Variants in CASS4 observed in about 807,000 individuals in gnomAD.
CASS4 encodes the protein cas scaffolding protein family member 4.
CASS4 carries 22 observed loss-of-function variants against 54.2 expected under a neutral mutation model. That is an observed-to-expected ratio of 0.41 (90% confidence interval 0.29 to 0.58). The LOEUF (loss-of-function observed/expected upper bound fraction) is 0.58. CASS4 is among the 20% of genes least tolerant of loss of function. CASS4 has a pLI of 0.36. For missense variants in CASS4, 854 were observed against 986.7 expected (o/e 0.87, Z 1.80); for synonymous variants, 409 against 391.5 (o/e 1.04, Z -0.53).
chr20:56,436,411 T>C (rs1040661197), intron 1 of CASS4, among the ~76,000 whole-genome samples: 1 of 149,590 alleles, frequency 6.7e-6, no homozygotes, highest in Admixed American at 6.7e-5. Context: ...TGGGTACATA[T>C]ATATATCAAC....
At chr20:56,427,003 G>A (rs1314620308) in intron 1 of CASS4, among the ~76,000 whole-genome samples, 1 of 152,044 alleles carries the variant, frequency 6.6e-6, no homozygotes, top group Admixed American at 6.6e-5. Flanking sequence ...CATCTTTGCT[G>A]TAACTCCCTA....
Position 56,423,770 on chromosome 20 carries a change from C to T in CASS4, c.36+11276C>T, listed in dbSNP as rs1052288290. ...ATGTTGGCCAGGCTGGTCTTGAACT[C>T]CTGACCTCAAGTGATCCGCACACCT... On this transcript the variant is annotated intron_variant, in intron 1 of 5. Transcript: ENST00000679887. Among the ~76,000 whole-genome samples, 32 of 152,094 alleles carry T rather than the reference C, an allele frequency of 2.1e-4. 1 individual carries two copies. The highest frequency in any genetic ancestry group is 2.9e-5 in the Non-Finnish European group (2 of 68,012).
intron 2 of CASS4, among the ~76,000 whole-genome samples, chr20:56,440,871 C>A (rs1980421759): frequency 6.6e-6 from 1 of 152,148 alleles, no homozygotes; most frequent in Admixed American, 6.5e-5. Context: ...CACAGTAAAA[C>A]CCCCCAGGGG....
chr20:56,419,803 G>T (rs1231260959), intron 1 of CASS4, among the ~76,000 whole-genome samples: 2 of 152,082 alleles, frequency 1.3e-5, no homozygotes, highest in Non-Finnish European at 2.9e-5. Context: ...AGCACTTTGG[G>T]AGGCCAAGGC....
intron 1 of CASS4, among the ~76,000 whole-genome samples, chr20:56,433,844 C>T (rs557268932): frequency 3.3e-5 from 5 of 152,166 alleles, no homozygotes; most frequent in Non-Finnish European, 7.3e-5. Context: ...TCACAATACA[C>T]ATGCCCCTAA....
At chr20:56,451,760 G>A (rs1261863623) in intron 4 of CASS4, 59 bp from the exon 5 acceptor site, 26 of 1,265,408 alleles carry the variant, frequency 2.1e-5, no homozygotes, top group African/African-American at 6.0e-5. Context: ...TTTAAACAAC[G>A]CACTCGCGCC....
rs1050793251 is a variant in CASS4, at chr20:56,453,199, G to T, written c.1953+70G>T. 2.7e-6 allele frequency: 3 copies of T among 1,118,794 alleles called. No homozygotes were observed. In the Admixed American group the frequency reaches 6.6e-5, roughly 25 times the overall value. The allele number at this position is 1,118,794 out of a possible 1,614,324, so 69.3% of individuals were successfully genotyped here. A position where few individuals can be genotyped will look rare whatever the true frequency, so the allele number is the denominator to read the frequency against. ...TACCTGGAGTAGTGGCTACTAAGAT[G>T]CTGAGACTCTTTCCATAGTGTATAG... is the stretch of plus-strand genomic sequence containing the variant. On this transcript the variant is annotated intron_variant, in intron 5 of 5. Coordinates refer to ENST00000679887, the MANE Select transcript of CASS4 (RefSeq NM_020356.4).
chr20:56,437,080 A>C lies in CASS4; in HGVS notation c.37-84A>C, dbSNP rs1184646705. 1.7e-6 allele frequency: 2 copies of C among 1,197,738 alleles called. No homozygotes were observed. The highest frequency in any genetic ancestry group is 1.5e-5 in the African/African-American group (1 of 64,922). The allele number at this position is 1,197,738 out of a possible 1,614,324, so 74.2% of individuals were successfully genotyped here. A position where few individuals can be genotyped will look rare whatever the true frequency, so the allele number is the denominator to read the frequency against. Reference sequence around the variant, plus strand: ...GAAAGGGCATGATGAATTTGTATGAAGCTTTCTAAGAGAGTGGGATTGGAG... The same window carrying C: ...GAAAGGGCATGATGAATTTGTATGACGCTTTCTAAGAGAGTGGGATTGGAG... On this transcript the variant is annotated intron_variant, in intron 1 of 5. Transcript: ENST00000679887. The surrounding 1 kb of genome is among the most constrained non-coding windows in gnomAD (Gnocchi z 4.7).
intron 5 of CASS4, among the ~76,000 whole-genome samples, chr20:56,455,265 T>C (rs544486156): frequency 6.6e-6 from 1 of 152,252 alleles, no homozygotes; most frequent in East Asian, 1.9e-4. Flanking sequence ...GTAAAAACAA[T>C]GGGTCCATTT....
rs34102676 is a variant in CASS4, at chr20:56,437,340, C to A, written c.213C>A (p.Leu71=). ...CCCCTGCCAACCGCCTCCAAATCCT[C>A]ACGGAGGTCGCTGCAGACAGGCCGT... ...GLAPANRLQI[L]TEVAADRPCP... Residue 71 remains leucine, a synonymous_variant, in exon 2 of 6, where the codon CTC becomes CTA. Coordinates refer to ENST00000679887, the MANE Select transcript of CASS4 (RefSeq NM_020356.4). The surrounding 1 kb of genome is among the most constrained non-coding windows in gnomAD (Gnocchi z 4.7). 6.2e-7 allele frequency: 1 copy of A among 1,614,066 alleles called. No homozygotes were observed. The highest frequency in any genetic ancestry group is 1.7e-5 in the Admixed American group (1 of 60,008).
At chr20:56,426,744 A>C (rs1306046441) in intron 1 of CASS4, among the ~76,000 whole-genome samples, 2 of 151,824 alleles carry the variant, frequency 1.3e-5, no homozygotes, top group Admixed American at 1.3e-4. Context: ...TGCCCAGATA[A>C]TTTTTATATT....
intron 2 of CASS4, among the ~76,000 whole-genome samples, chr20:56,445,186 T>C (rs139441797): frequency 1.0e-3 from 154 of 152,238 alleles, no homozygotes; most frequent in African/African-American, 3.7e-3. Context: ...TCAAACTCCT[T>C]CACTGACCTG....
chr20:56,450,353 A>G (rs968031339), intron 3 of CASS4, among the ~76,000 whole-genome samples: 23 of 152,262 alleles, frequency 1.5e-4, no homozygotes, highest in Admixed American at 1.4e-3. Context: ...CACAAAGTCC[A>G]TTGTTGAATG....
At chr20:56,421,991 ACTT>A (rs1600746153) in intron 1 of CASS4, among the ~76,000 whole-genome samples, 1 of 152,214 alleles carries the variant, frequency 6.6e-6, no homozygotes, top group East Asian at 1.9e-4. Flanking sequence ...CTGGATGGGA[ACTT>A]TGGCGATTGC....
intron 1 of CASS4, among the ~76,000 whole-genome samples, chr20:56,415,154 A>G (rs941410878): frequency 3.3e-5 from 5 of 152,164 alleles, no homozygotes; most frequent in African/African-American, 1.2e-4. Context: ...CAAACTCTTC[A>G]TAAAGAGTCA....
At chr20:56,435,222 T>C (rs2146278946) in intron 1 of CASS4, among the ~76,000 whole-genome samples, 1 of 152,344 alleles carries the variant, frequency 6.6e-6, no homozygotes, top group East Asian at 1.9e-4. Context: ...TCCAATTCCA[T>C]TTTTGTAACA....
chr20:56,452,492 T>TG lies in CASS4; in HGVS notation c.1318dup (p.Ala440GlyfsTer38). 6.2e-7 allele frequency: 1 copy of TG among 1,613,764 alleles called. No homozygotes were observed. Among genetic ancestry groups the TG allele is most frequent in the Non-Finnish European group, 8.5e-7 (1 of 1,179,742 alleles). ...AAGGAGCTCTCCTTGGACCTGGATGTGGCCAAGGAGACAGTGATGGCTCTG... is the reference window on the plus strand; with the variant it reads ...AAGGAGCTCTCCTTGGACCTGGATGTGGGCCAAGGAGACAGTGATGGCTCTG... On this transcript the variant is annotated frameshift_variant, in exon 5 of 6. Transcript: ENST00000679887. LOFTEE classifies it high-confidence loss of function.
chr20:56,420,345 G>T (rs149907943), intron 1 of CASS4, among the ~76,000 whole-genome samples: 149 of 152,236 alleles, frequency 9.8e-4, no homozygotes, highest in African/African-American at 3.5e-3. Context: ...TTGCCATCTG[G>T]TTAACAGTAA....
At chr20:56,428,940 A>G (rs1979770694) in intron 1 of CASS4, among the ~76,000 whole-genome samples, 1 of 132,414 alleles carries the variant, frequency 7.6e-6, no homozygotes, top group Non-Finnish European at 1.6e-5. Flanking sequence ...CCCAGCCCTG[A>G]CATTCTTGAG....
Sources: gnomAD v4.1 joint callset for allele counts (sites outside exome capture counted in the v4.1 genomes callset) on GRCh38, gnomAD v4.1.1 for gene constraint, Gnocchi (gnomAD v3.1) non-coding constraint, MANE v1.5 for transcripts, NCBI Gene and HGNC (gene_info 2026-07-23, HGNC 2026-07-21) for gene names.